PITPNC1: variants seen among roughly 807,000 people sequenced by gnomAD.
The protein encoded by PITPNC1 is cytoplasmic phosphatidylinositol transfer protein 1.
PITPNC1 carries 18 observed loss-of-function variants against 44.7 expected under a neutral mutation model. The observed-to-expected ratio is 0.40, with a 90% CI of 0.28 to 0.60. The LOEUF is 0.60. Ranked by LOEUF, PITPNC1 falls within the 20% of genes least tolerant of loss-of-function variation. PITPNC1 has a pLI of 0.39. For synonymous variants in PITPNC1, 141 were observed against 149.6 expected (o/e 0.94, Z 0.42); for missense variants, 290 against 418.4 (o/e 0.69, Z 2.68).
chr17:67,387,813 CATT>C (rs1289626313), intron 1 of PITPNC1, among the ~76,000 whole-genome samples: 4 of 152,304 alleles, frequency 2.6e-5, no homozygotes, highest in Non-Finnish European at 5.9e-5. Context: ...CTATCGCCAT[CATT>C]ATCTTTTCAA....
intron 1 of PITPNC1, among the ~76,000 whole-genome samples, chr17:67,518,855 A>C: frequency 6.6e-6 from 1 of 152,134 alleles, no homozygotes; most frequent in Non-Finnish European, 1.5e-5. Flanking sequence ...AAGTGGGAGG[A>C]TCACTTGAGC....
chr17:67,594,336 C>T (rs747758500), intron 5 of PITPNC1, among the ~76,000 whole-genome samples: 9 of 152,152 alleles, frequency 5.9e-5, no homozygotes, highest in Non-Finnish European at 1.2e-4. Flanking sequence ...ATGGGAACCA[C>T]TTCAGAGTGG....
intron 2 of PITPNC1, among the ~76,000 whole-genome samples, chr17:67,547,939 G>C (rs2040707044): frequency 6.6e-6 from 1 of 152,182 alleles, no homozygotes; most frequent in Admixed American, 6.5e-5. Flanking sequence ...GCTTTGGGCT[G>C]GATCTTTATT....
intron 1 of PITPNC1, among the ~76,000 whole-genome samples, chr17:67,462,387 A>G (rs1176454506): frequency 1.3e-5 from 2 of 151,554 alleles, no homozygotes; most frequent in African/African-American, 4.9e-5. Flanking sequence ...GCCCACCACC[A>G]TGTCCAGCTA....
intron 1 of PITPNC1, among the ~76,000 whole-genome samples, chr17:67,470,689 C>T (rs1051958228): frequency 6.6e-6 from 1 of 152,148 alleles, no homozygotes; most frequent in African/African-American, 2.4e-5. Context: ...GCCACCACCC[C>T]GTCTGGGAGG....
intron 5 of PITPNC1, chr17:67,613,495 A>G (rs1300031546): frequency 6.6e-6 from 1 of 152,250 alleles, no homozygotes. Context: ...GGTCTTAAAC[A>G]TGTAACAGTT....
rs1568048823 is a variant in PITPNC1, at chr17:67,577,628, A to ATTTTACTTTAAAAATAAATTTAAAAT, written c.295-554_295-553insACTTTAAAAATAAATTTAAAATTTTT. ...TTTAAAATTTAAAATAAATTTAAAA[A>ATTTTACTTTAAAAATAAATTTAAAAT]TTTTTTTTATTTTACTTTAAAAATA... On this transcript the variant is annotated intron_variant, in intron 4 of 8. Coordinates refer to ENST00000581322, the MANE Select transcript of PITPNC1 (RefSeq NM_012417.4). 1.5e-4 allele frequency among the ~76,000 whole-genome samples: 22 copies of ATTTTACTTTAAAAATAAATTTAAAAT among 150,844 alleles called. No individual in the cohort carries two copies. The South Asian group carries it at 4.6e-3, about 31-fold the overall frequency.
At chr17:67,625,158 A>T (rs2041881099) in intron 5 of PITPNC1, among the ~76,000 whole-genome samples, 1 of 152,164 alleles carries the variant, frequency 6.6e-6, no homozygotes, top group African/African-American at 2.4e-5. Flanking sequence ...GGGAAAGAGG[A>T]TAAACACTTT....
rs180696862 is a variant in PITPNC1, at chr17:67,441,384, T to C, written c.48+63182T>C. Among the ~76,000 whole-genome samples, 593 of 151,932 alleles carry C rather than the reference T, an allele frequency of 3.9e-3. 10 individuals carry two copies. Among genetic ancestry groups the C allele is most frequent in the Non-Finnish European group, 4.1e-3 (276 of 67,948 alleles). ...GACTCACCCTTGTTGTCACTGACAC[T>C]GTCCACAGCCCAGAGCTCAGCCTCT... On this transcript the variant is annotated intron_variant, in intron 1 of 8. Coordinates refer to ENST00000581322, the MANE Select transcript of PITPNC1 (RefSeq NM_012417.4).
At chr17:67,678,780 C>A (rs2042650041) in intron 8 of PITPNC1, among the ~76,000 whole-genome samples, 1 of 152,216 alleles carries the variant, frequency 6.6e-6, no homozygotes, top group African/African-American at 2.4e-5. Flanking sequence ...CATTACCCTT[C>A]CACTCCATTT....
chr17:67,425,193 G>GCGCGCGCGCGCGCGCGCGCGCACACACA (rs1160522771), intron 1 of PITPNC1, among the ~76,000 whole-genome samples: 1 of 52,118 alleles, frequency 1.9e-5, no homozygotes, highest in African/African-American at 1.0e-4. Context: ...TTGTGCGCGC[G>GCGCGCGCGCGCGCGCGCGCGCACACACA]CACGCACACG....
chr17:67,613,537 A>G lies in PITPNC1; in HGVS notation c.367-18606A>G, dbSNP rs536375502. The G allele has an allele frequency of 7.2e-5, 11 of 152,358 alleles. No individual in the cohort carries two copies. In the South Asian group the frequency reaches 2.3e-3, roughly 32 times the overall value. 9.4% of individuals were successfully genotyped at this position (152,358 alleles called of 1,614,324 possible). A position where few individuals can be genotyped will look rare whatever the true frequency, so the allele number is the denominator to read the frequency against. On this transcript the variant is annotated intron_variant, in intron 5 of 8. Transcript: ENST00000581322. ...TGGCTCATTTATGTTACAGCCATATATTGAAATGCAATTCAGACCTTAAAA... is the reference window on the plus strand; with the variant it reads ...TGGCTCATTTATGTTACAGCCATATGTTGAAATGCAATTCAGACCTTAAAA...
intron 1 of PITPNC1, among the ~76,000 whole-genome samples, chr17:67,473,856 T>C (rs985483718): frequency 1.4e-4 from 22 of 152,212 alleles, no homozygotes; most frequent in Admixed American, 3.9e-4. Context: ...CTATTATTAC[T>C]GTAATGTTCT....
At chr17:67,486,700 G>C (rs1375206219) in intron 1 of PITPNC1, among the ~76,000 whole-genome samples, 1 of 152,176 alleles carries the variant, frequency 6.6e-6, no homozygotes, top group Non-Finnish European at 1.5e-5. Context: ...GAGGAATGTG[G>C]TTGACTGAAA....
intron 6 of PITPNC1, chr17:67,637,797 C>G (rs1013351675): frequency 1.4e-5 from 2 of 139,030 alleles, no homozygotes; most frequent in Non-Finnish European, 1.5e-5. Context: ...CTTCAGCTCT[C>G]AAAAACCTCT....
rs981969130 is a variant in PITPNC1 at position 67,658,850 on chromosome 17, A to G, written c.463-10658A>G. On this transcript the variant is annotated intron_variant, in intron 6 of 8. Coordinates refer to ENST00000581322, the MANE Select transcript of PITPNC1 (RefSeq NM_012417.4). ...TAGGTTCTCGAGGGTTTGCCTGTCC[A>G]TATTCTGGTCAACTGCAGGGGGGAA... Among the ~76,000 whole-genome samples the G allele has an allele frequency of 7.9e-5, 12 of 152,150 alleles. No individual in the cohort carries two copies. The East Asian group carries it at 2.1e-3, about 27-fold the overall frequency.
intron 1 of PITPNC1, among the ~76,000 whole-genome samples, chr17:67,413,359 A>G (rs1356609600): frequency 6.9e-6 from 1 of 145,060 alleles, no homozygotes; most frequent in African/African-American, 2.6e-5. Flanking sequence ...TATTTTTAGT[A>G]TGGCAATACT....
At chr17:67,483,813 T>C (rs1378551259) in intron 1 of PITPNC1, among the ~76,000 whole-genome samples, 3 of 152,084 alleles carry the variant, frequency 2.0e-5, no homozygotes, top group Non-Finnish European at 4.4e-5. Flanking sequence ...AATTTCAAAA[T>C]ACAGCTTCGT....
At chr17:67,505,376 A>G (rs1431279222) in intron 1 of PITPNC1, among the ~76,000 whole-genome samples, 1 of 151,924 alleles carries the variant, frequency 6.6e-6, no homozygotes, top group African/African-American at 2.4e-5. Context: ...AATTCTGTCA[A>G]TTTTTGCTTT....
Sources: gnomAD v4.1 joint callset for allele counts (sites outside exome capture counted in the v4.1 genomes callset) on GRCh38, gnomAD v4.1.1 for gene constraint, MANE v1.5 for transcripts, NCBI Gene and HGNC (gene_info 2026-07-23, HGNC 2026-07-21) for gene names.